PRSS38: variants seen among roughly 807,000 people sequenced by gnomAD.
The protein encoded by PRSS38 is serine protease 38, also known as marapsin 2.
A neutral mutation model predicts 26.8 loss-of-function variants in PRSS38; 22 were observed. That is an observed-to-expected ratio of 0.82 (90% CI 0.59 to 1.17). PRSS38 has a LOEUF of 1.17. PRSS38 is among the 50% of genes most tolerant of loss of function. PRSS38 has a pLI of 0.00. For missense variants in PRSS38, 427 were observed against 422.7 expected, an observed-to-expected ratio of 1.01 and a Z score of -0.09; for synonymous variants, 175 against 172.1, an observed-to-expected ratio of 1.02 and a Z score of -0.13.
rs765433110 is a variant in PRSS38, at chr1:227,816,128, G to A, written c.187G>A (p.Gly63Ser). The change falls in exon 2 of 5, where the codon GGC (glycine) becomes AGC (serine). Residue 63 changes from glycine to serine, a missense_variant. Physicochemically the swap from Gly to Ser is moderately conservative, Grantham distance 56. Coordinates refer to ENST00000366757, the Ensembl canonical transcript of PRSS38. This position sits in a 1 kb window ranked among gnomAD's most constrained non-coding sequence, Gnocchi z 5.1. ...CAGCATGGAGGGGAAAATCCTGGGC[G>A]GCGTCCCTGCGCCCGAGAGGAAGTG... 111 of 1,613,636 alleles carry A rather than the reference G, an allele frequency of 6.9e-5. No individual in the cohort carries two copies. The highest frequency in any genetic ancestry group is 6.0e-4 in the Admixed American group (36 of 60,006).
At chr1:227,826,138 T>C (rs532647655) in intron 3 of PRSS38, among the ~76,000 whole-genome samples, 9 of 152,274 alleles carry the variant, frequency 5.9e-5, no homozygotes, top group Admixed American at 2.0e-4. Context: ...ATTCTTTCTG[T>C]AGCAATTATG....
intron 1 of PRSS38, 70 bp downstream of exon 1, chr1:227,815,934 C>T (rs1664905160): frequency 5.2e-6 from 8 of 1,532,208 alleles, no homozygotes; most frequent in Non-Finnish European, 6.2e-6. Flanking sequence ...GGTGCTGGGC[C>T]TCCTCCCCCA....
intron 3 of PRSS38, among the ~76,000 whole-genome samples, chr1:227,842,073 G>A (rs557241161): frequency 2.6e-5 from 4 of 152,222 alleles, no homozygotes; most frequent in African/African-American, 9.6e-5. Context: ...CACCTCCACA[G>A]CACTGATCTA....
At chr1:227,843,876 C>T (rs755781225) in intron 3 of PRSS38, among the ~76,000 whole-genome samples, 7 of 151,862 alleles carry the variant, frequency 4.6e-5, no homozygotes, top group South Asian at 2.1e-4. Flanking sequence ...AAAAGTTAGC[C>T]GGGTGTGGTG....
At chr1:227,817,964 A>G (rs1231394857) in intron 3 of PRSS38, among the ~76,000 whole-genome samples, 1 of 152,196 alleles carries the variant, frequency 6.6e-6, no homozygotes, top group Non-Finnish European at 1.5e-5. Flanking sequence ...CATTGATCTT[A>G]TATCCAGTCA....
At chr1:227,830,679 A>T (rs181265035) in intron 3 of PRSS38, among the ~76,000 whole-genome samples, 4 of 151,022 alleles carry the variant, frequency 2.6e-5, no homozygotes, top group South Asian at 2.1e-4. Flanking sequence ...TATTATTATT[A>T]TTTTTAGTAG....
intron 3 of PRSS38, among the ~76,000 whole-genome samples, chr1:227,844,965 G>T (rs188396066): frequency 3.3e-4 from 45 of 135,874 alleles, no homozygotes; most frequent in African/African-American, 1.1e-3. Flanking sequence ...CCTATGTGTG[G>T]TCAGGACTCC....
chr1:227,817,051 T>C (rs1664930408), intron 2 of PRSS38, among the ~76,000 whole-genome samples, 158 bp from the exon 3 acceptor site: 1 of 152,192 alleles, frequency 6.6e-6, no homozygotes, highest in Admixed American at 6.5e-5. Flanking sequence ...GGGGCAACTC[T>C]TCCAGACAGC....
In PRSS38 at chr1:227,845,924, G is replaced by A. The variant is rs557106418; in HGVS notation, c.727-30G>A. ...GGAGGCGGCAGGCCTGGGACTCCCA[G>A]TTCACAAAAAACTCCCTCTTCCTTT... On this transcript the variant is annotated intron_variant, in intron 4 of 4. Transcript: ENST00000366757. The A allele has an allele frequency of 5.6e-6, 9 of 1,611,626 alleles. No individual in the cohort carries two copies. The African/African-American group carries it at 9.3e-5, about 17-fold the overall frequency.
chr1:227,826,720 A>G (rs1310356863), intron 3 of PRSS38, among the ~76,000 whole-genome samples: 4 of 149,016 alleles, frequency 2.7e-5, no homozygotes, highest in African/African-American at 1.0e-4. Flanking sequence ...CATCTCAAGA[A>G]AAAAAAAAAA....
exon 3 of PRSS38, chr1:227,817,450 G>C (rs2102671643): frequency 6.2e-7 from 1 of 1,614,204 alleles, no homozygotes; most frequent in East Asian, 2.2e-5. Context: ...CAATTGCTGG[G>C]CTACGGGATG....
At position 227,830,853 on chromosome 1, in the gene PRSS38, ATTTAT is replaced by A. The variant is rs1446052801; in HGVS notation, c.583+13378_583+13382del. On this transcript the variant is annotated intron_variant, in intron 3 of 4. Coordinates refer to ENST00000366757, the Ensembl canonical transcript of PRSS38. Reference sequence around the variant, plus strand: ...CACAGTTGTTCATAATAGTCTCATCATTTATTTTAATTTCTAAAAGGATAGTAGTA... The same window carrying A: ...CACAGTTGTTCATAATAGTCTCATCATTTAATTTCTAAAAGGATAGTAGTA... Among the ~76,000 whole-genome samples, 10 of 152,046 alleles carry A rather than the reference ATTTAT, an allele frequency of 6.6e-5. No homozygotes were observed. The East Asian group carries it at 1.9e-3, about 29-fold the overall frequency.
intron 3 of PRSS38, among the ~76,000 whole-genome samples, chr1:227,843,479 A>T (rs907764606): frequency 7.9e-5 from 12 of 151,766 alleles, no homozygotes; most frequent in Middle Eastern, 3.5e-3. Context: ...GAGATGGGTG[A>T]ATCACCTGAG....
intron 3 of PRSS38, among the ~76,000 whole-genome samples, chr1:227,830,501 CTTT>C (rs1243159470): frequency 1.6e-5 from 2 of 125,152 alleles, no homozygotes; most frequent in African/African-American, 3.0e-5. Context: ...AAGGTGTCTA[CTTT>C]TTTTTTTTTT....
At chr1:227,819,166 AT>A (rs1664966187) in intron 3 of PRSS38, among the ~76,000 whole-genome samples, 1 of 152,034 alleles carries the variant, frequency 6.6e-6, no homozygotes, top group African/African-American at 2.4e-5. Context: ...CCTGCTACAG[AT>A]TTTGCATTGG....
chr1:227,845,976 T>C (rs1282229532), exon 5 of PRSS38: 4 of 1,614,154 alleles, frequency 2.5e-6, no homozygotes, highest in South Asian at 1.1e-5. Context: ...GGCCCACTTG[T>C]CTGTGAATTC....
intron 3 of PRSS38, among the ~76,000 whole-genome samples, chr1:227,822,985 C>G (rs1055214437): frequency 6.6e-6 from 1 of 152,020 alleles, no homozygotes; most frequent in Admixed American, 6.6e-5. Context: ...TGCAGGTTTG[C>G]TACATGGATA....
intron 3 of PRSS38, among the ~76,000 whole-genome samples, chr1:227,844,859 ACTCCTCCCTATGTGGGGTGGG>A (rs1665396095): frequency 3.2e-5 from 3 of 93,894 alleles, no homozygotes; most frequent in East Asian, 7.4e-4. Context: ...TGTGGTCAGG[ACTCCTCCCTATGTGGGGTGGG>A]GCTCCTCCCT....
At chr1:227,843,739 A>T (rs1307731241) in intron 3 of PRSS38, among the ~76,000 whole-genome samples, 1 of 142,648 alleles carries the variant, frequency 7.0e-6, no homozygotes, top group African/African-American at 2.6e-5. Context: ...CAAAAAACCA[A>T]CCAAGCACAG....
Sources: allele counts gnomAD v4.1 joint callset (sites outside exome capture counted in the v4.1 genomes callset), GRCh38; gene constraint gnomAD v4.1.1; non-coding constraint Gnocchi (gnomAD v3.1); transcripts MANE v1.5; gene names NCBI Gene and HGNC (gene_info 2026-07-23, HGNC 2026-07-21).